Variants in GRIK3 observed in about 807,000 individuals in gnomAD.
GRIK3 encodes the protein glutamate receptor ionotropic, kainate 3.
Under a neutral mutation model 102.5 loss-of-function variants are expected in GRIK3, and 29 were observed. That is an observed-to-expected ratio of 0.28 (90% confidence interval 0.21 to 0.39). GRIK3 has a LOEUF of 0.39. GRIK3 is among the 10% of genes least tolerant of loss of function. The probability of loss-of-function intolerance (pLI) is 1.00; values close to 1 mark genes in which losing one functional copy is unlikely to be tolerated. For synonymous variants in GRIK3, 511 were observed against 504.9 expected (o/e 1.01, Z -0.16); for missense variants, 908 against 1,252.4 (o/e 0.73, Z 4.15).
chr1:36,911,899 C>T (rs1048045951), intron 1 of GRIK3, among the ~76,000 whole-genome samples: 2 of 152,192 alleles, frequency 1.3e-5, no homozygotes, highest in African/African-American at 2.4e-5. Flanking sequence ...CAGACACTGG[C>T]GGGGCTGTCC....
chr1:37,013,545 C>T (rs188832489), intron 1 of GRIK3, among the ~76,000 whole-genome samples: 1 of 152,304 alleles, frequency 6.6e-6, no homozygotes, highest in Admixed American at 6.5e-5. Context: ...CCTTAGGGCT[C>T]TACAGTTCCC....
intron 5 of GRIK3, among the ~76,000 whole-genome samples, chr1:36,863,877 G>A (rs1640754481): frequency 2.0e-5 from 3 of 152,112 alleles, no homozygotes; most frequent in Admixed American, 6.5e-5. Flanking sequence ...GTGGCTCCTG[G>A]GGCACTTAAG....
intron 7 of GRIK3, among the ~76,000 whole-genome samples, chr1:36,855,770 T>A (rs1388947266): frequency 6.6e-6 from 1 of 152,216 alleles, no homozygotes; most frequent in Non-Finnish European, 1.5e-5. Flanking sequence ...GGAGGACCAG[T>A]CACTTGGGCC....
chr1:36,836,141 T>TTTTCCTCCTTTGATGCTC (rs1553175783), intron 10 of GRIK3, among the ~76,000 whole-genome samples: 6 of 152,230 alleles, frequency 3.9e-5, no homozygotes, highest in African/African-American at 1.4e-4. Context: ...AGGAGGTAGC[T>TTTTCCTCCTTTGATGCTC]TGGGCAGAGC....
intron 3 of GRIK3, among the ~76,000 whole-genome samples, chr1:36,874,962 C>T (rs1640897291): frequency 6.6e-6 from 1 of 152,230 alleles, no homozygotes; most frequent in Admixed American, 6.5e-5. Context: ...ATGAGCTTTC[C>T]TTTCTGGCTG....
At chr1:36,933,599 A>C (rs1641621014) in intron 1 of GRIK3, among the ~76,000 whole-genome samples, 1 of 152,204 alleles carries the variant, frequency 6.6e-6, no homozygotes, top group Admixed American at 6.5e-5. Context: ...ACTCACCGAC[A>C]ACTGAGTGAC....
chr1:36,903,661 G>GA (rs1036798882), intron 1 of GRIK3, among the ~76,000 whole-genome samples: 59 of 152,330 alleles, frequency 3.9e-4, no homozygotes, highest in African/African-American at 1.3e-3. Context: ...ATCAAGCCAT[G>GA]AAAAGATAAG....
intron 1 of GRIK3, among the ~76,000 whole-genome samples, chr1:36,980,235 T>C (rs1443755734): frequency 6.6e-6 from 1 of 152,146 alleles, no homozygotes; most frequent in Non-Finnish European, 1.5e-5. Context: ...TACTTCTCAT[T>C]GCTCTTAAGA....
rs147387405 is a variant in GRIK3, at chr1:36,835,467, C to T, written c.1530+6269G>A. 3.1e-3 allele frequency among the ~76,000 whole-genome samples: 474 copies of T among 152,328 alleles called. 5 individuals are homozygous for T. The highest frequency in any genetic ancestry group is 0.011 in the African/African-American group (440 of 41,566). ...CAGGGTGCAGACTCACAGACTGAGA[C>T]ATTAGTCACCCTCTATGGCAACCAG... On this transcript the variant is annotated intron_variant, in intron 10 of 15. Coordinates refer to ENST00000373091, the MANE Select transcript of GRIK3 (RefSeq NM_000831.4).
intron 8 of GRIK3, among the ~76,000 whole-genome samples, chr1:36,852,421 T>C (rs1640596190): frequency 6.6e-6 from 1 of 151,998 alleles, no homozygotes; most frequent in Admixed American, 6.6e-5. Flanking sequence ...GGAGGGAGCA[T>C]GATGGGGCCA....
intron 7 of GRIK3, among the ~76,000 whole-genome samples, chr1:36,857,069 T>C (rs1382572386): frequency 6.6e-6 from 1 of 152,182 alleles, no homozygotes; most frequent in East Asian, 1.9e-4. Flanking sequence ...TATTTTTATC[T>C]CCACTGGACA....
chr1:36,801,684 GA>G lies in GRIK3; in HGVS notation c.*166del. 1.9e-6 allele frequency: 1 copy of G among 528,386 alleles called. No homozygotes were observed. The allele number at this position is 528,386 out of a possible 1,614,324, so 32.7% of individuals were successfully genotyped here. ...AGGATGAAGCCCAAGCAGCTGGCCTGAGAGCCTGCTGGCTTCCTGGCAGGTA... is the reference window on the plus strand; with the variant it reads ...AGGATGAAGCCCAAGCAGCTGGCCTGGAGCCTGCTGGCTTCCTGGCAGGTA... On this transcript the variant is annotated 3_prime_UTR_variant, in exon 16 of 16. Transcript: ENST00000373091.
intron 11 of GRIK3, among the ~76,000 whole-genome samples, chr1:36,823,540 C>T (rs890836571): frequency 1.1e-4 from 15 of 140,946 alleles, no homozygotes; most frequent in Admixed American, 6.4e-4. Flanking sequence ...TGAGATGTCA[C>T]ATAAAAATCC....
chr1:36,932,974 C>T (rs923649040), intron 1 of GRIK3, among the ~76,000 whole-genome samples: 10 of 152,158 alleles, frequency 6.6e-5, no homozygotes, highest in Admixed American at 1.3e-4. Context: ...CAAAACATGC[C>T]GAATAACAGA....
intron 1 of GRIK3, among the ~76,000 whole-genome samples, chr1:37,012,158 G>A (rs990718437): frequency 9.9e-5 from 15 of 152,228 alleles, no homozygotes; most frequent in Admixed American, 8.5e-4. Context: ...GTGTGGGAAC[G>A]AGTGCCAGGG....
chr1:36,900,588 A>C (rs999470057), intron 1 of GRIK3, among the ~76,000 whole-genome samples: 1 of 152,238 alleles, frequency 6.6e-6, no homozygotes, highest in Non-Finnish European at 1.5e-5. Context: ...TGAATGCATA[A>C]AATAGAAAAG....
intron 1 of GRIK3, among the ~76,000 whole-genome samples, chr1:36,958,961 C>A (rs524918): frequency 0.049 from 3,497 of 71,920 alleles, 634 homozygotes; most frequent in African/African-American, 0.17. Flanking sequence ...TGTGAGCCTG[C>A]ACCCCATGAG....
intron 1 of GRIK3, among the ~76,000 whole-genome samples, chr1:36,968,175 TCA>T (rs1253875190): frequency 6.6e-6 from 1 of 152,050 alleles, no homozygotes; most frequent in Non-Finnish European, 1.5e-5. Context: ...ATTCACTTCC[TCA>T]CAGTTTCACC....
rs2124173104 is a variant in GRIK3, at chr1:36,801,900, C to A, written c.2711G>T (p.Gly904Val). Residue 904 changes from glycine (G) to valine (V), a missense_variant, in exon 16 of 16, where the codon GGC (glycine) becomes GTC (valine). Physicochemically the swap from Gly to Val is moderately radical, Grantham distance 109. Transcript: ENST00000373091. ...MHTFNDRRLP[G>V]KDSMACSTSL... ...TGTGCTGCAGGCCATGCTGTCCTTG[C>A]CGGGAAGCCGGCGGTCATTGAATGT... 2 of 1,613,296 alleles carry A rather than the reference C, an allele frequency of 1.2e-6. No homozygotes were observed. Among genetic ancestry groups the A allele is most frequent in the South Asian group, 1.1e-5 (1 of 90,942 alleles).
Sources: gnomAD v4.1 joint callset for allele counts (sites outside exome capture counted in the v4.1 genomes callset) on GRCh38, gnomAD v4.1.1 for gene constraint, MANE v1.5 for transcripts, NCBI Gene and HGNC (gene_info 2026-07-23, HGNC 2026-07-21) for gene names.